Variants in CTIF observed in about 807,000 individuals in gnomAD.
The protein encoded by CTIF is CBP80/20-dependent translation initiation factor.
Under a neutral mutation model 66.0 loss-of-function variants are expected in CTIF, and 21 were observed. The ratio of observed to expected loss-of-function variants is 0.32; its 90% CI spans 0.23 to 0.46. CTIF has a LOEUF of 0.46. Ranked by LOEUF, CTIF falls within the 20% of genes least tolerant of loss-of-function variation. The pLI is 1.00. For synonymous variants in CTIF, 345 were observed against 326.4 expected, an observed-to-expected ratio of 1.06 and a Z score of -0.62; for missense variants, 739 against 812.7, an observed-to-expected ratio of 0.91 and a Z score of 1.10.
chr18:48,853,769 G>T (rs1433522977), intron 10 of CTIF, among the ~76,000 whole-genome samples: 1 of 152,236 alleles, frequency 6.6e-6, no homozygotes, highest in Non-Finnish European at 1.5e-5. Flanking sequence ...GAATGCTGTA[G>T]CTCCTGCTGC....
chr18:48,550,476 C>T (rs2088856302), intron 1 of CTIF, among the ~76,000 whole-genome samples: 1 of 152,178 alleles, frequency 6.6e-6, no homozygotes, highest in Admixed American at 6.5e-5. Flanking sequence ...TGGTGGATGC[C>T]ACCTTCCCCT....
At chr18:48,574,020 C>T (rs761035013) in intron 1 of CTIF, among the ~76,000 whole-genome samples, 1 of 152,196 alleles carries the variant, frequency 6.6e-6, no homozygotes, top group South Asian at 2.1e-4. Flanking sequence ...CTGGTGTCAC[C>T]GGGCACCCTC....
chr18:48,775,818 G>C (rs1198044801), intron 9 of CTIF, among the ~76,000 whole-genome samples: 1 of 152,214 alleles, frequency 6.6e-6, no homozygotes, highest in Non-Finnish European at 1.5e-5. Flanking sequence ...TGAGGGACTG[G>C]GGGTTGCAGA....
intron 2 of CTIF, among the ~76,000 whole-genome samples, chr18:48,626,660 T>TTTG (rs1203765430): frequency 3.4e-5 from 5 of 146,570 alleles, no homozygotes; most frequent in East Asian, 1.9e-4. Flanking sequence ...TTTTTTGTTT[T>TTTG]TTTTTTTTTT....
intron 1 of CTIF, among the ~76,000 whole-genome samples, chr18:48,614,569 T>G (rs1861662783): frequency 6.6e-6 from 1 of 152,214 alleles, no homozygotes; most frequent in South Asian, 2.1e-4. Context: ...CATGTTACAA[T>G]GTAGATAAAC....
chr18:48,728,938 T>C (rs2092411891), intron 7 of CTIF, among the ~76,000 whole-genome samples: 1 of 152,128 alleles, frequency 6.6e-6, no homozygotes, highest in Non-Finnish European at 1.5e-5. Context: ...CTGTTTTGAG[T>C]TCCTTCCTGT....
intron 1 of CTIF, among the ~76,000 whole-genome samples, chr18:48,549,952 T>C (rs890047522): frequency 7.9e-5 from 12 of 151,938 alleles, no homozygotes; most frequent in African/African-American, 2.9e-4. Context: ...TACTTTTTTT[T>C]ATATCTCAAT....
At chr18:48,746,610 G>T (rs1445058376) in intron 7 of CTIF, among the ~76,000 whole-genome samples, 1 of 151,908 alleles carries the variant, frequency 6.6e-6, no homozygotes, top group Non-Finnish European at 1.5e-5. Flanking sequence ...AAGGTTTCAG[G>T]TCAGAGCGTG....
At position 48,561,880 on chromosome 18, in the gene CTIF, A is replaced by G. The variant is rs115983397; in HGVS notation, c.-29+22568A>G. On this transcript the variant is annotated intron_variant, in intron 1 of 11. Coordinates refer to ENST00000256413, the MANE Select transcript of CTIF (RefSeq NM_014772.3). Reference sequence around the variant, plus strand: ...GGTCTAGGCTGGGGGTTGGCAAACTACAACTTGCAGACTAACTCCAGCCCA... The same window carrying G: ...GGTCTAGGCTGGGGGTTGGCAAACTGCAACTTGCAGACTAACTCCAGCCCA... Among the ~76,000 whole-genome samples the G allele has an allele frequency of 3.7e-3, 560 of 152,338 alleles. 5 individuals carry two copies. The highest frequency in any genetic ancestry group is 0.013 in the African/African-American group (520 of 41,574).
chr18:48,648,977 A>G (rs1996010), intron 3 of CTIF, among the ~76,000 whole-genome samples: 89,976 of 152,030 alleles, frequency 0.59, 29,162 homozygotes, highest in East Asian at 0.85. Context: ...AAAATTGCTC[A>G]TGGACCCATT....
chr18:48,570,758 G>A (rs905306629), intron 1 of CTIF, among the ~76,000 whole-genome samples: 4 of 152,088 alleles, frequency 2.6e-5, no homozygotes, highest in African/African-American at 9.7e-5. Context: ...AGGTGAGAGA[G>A]TGAGTGCAGG....
chr18:48,833,555 A>T (rs2146472405), intron 10 of CTIF, among the ~76,000 whole-genome samples: 1 of 151,242 alleles, frequency 6.6e-6, no homozygotes, highest in East Asian at 1.9e-4. Context: ...AGATCACCTC[A>T]CCCCTTTCCT....
intron 10 of CTIF, among the ~76,000 whole-genome samples, chr18:48,848,241 C>T (rs962886618): frequency 6.6e-6 from 1 of 152,186 alleles, no homozygotes. Context: ...ATTCTTTCCA[C>T]ACCTTCAGCT....
intron 6 of CTIF, among the ~76,000 whole-genome samples, chr18:48,692,337 C>CAA (rs11320556): frequency 7.2e-5 from 10 of 139,718 alleles, no homozygotes; most frequent in Admixed American, 2.8e-4. Flanking sequence ...AAACAAAAAA[C>CAA]AAAAAAAAAA....
chr18:48,774,891 A>G (rs956268053), intron 9 of CTIF, among the ~76,000 whole-genome samples: 1 of 152,162 alleles, frequency 6.6e-6, no homozygotes, highest in Non-Finnish European at 1.5e-5. Context: ...GCAGCTGCGT[A>G]TTGGAGCGCC....
chr18:48,835,831 C>G (rs1314355861), intron 10 of CTIF, among the ~76,000 whole-genome samples: 1 of 152,090 alleles, frequency 6.6e-6, no homozygotes, highest in African/African-American at 2.4e-5. Flanking sequence ...ACCAAGCCCC[C>G]CACCTGCCCT....
chr18:48,550,904 G>T (rs181587671), intron 1 of CTIF, among the ~76,000 whole-genome samples: 1 of 152,078 alleles, frequency 6.6e-6, no homozygotes, highest in Non-Finnish European at 1.5e-5. Flanking sequence ...AACCAGTTCC[G>T]TGTGGCACTG....
chr18:48,677,997 A>G lies in CTIF; in HGVS notation c.507+7253A>G, dbSNP rs536652048. Among the ~76,000 whole-genome samples, 47 of 152,166 alleles carry G rather than the reference A, an allele frequency of 3.1e-4. 1 individual carries two copies. Among genetic ancestry groups the G allele is most frequent in the Non-Finnish European group, 4.9e-4 (33 of 68,030 alleles). ...ACAGATTGGAGAACTGAGCTCAAAT[A>G]CCTTGCCTCAAATCACACAGCTGGG... On this transcript the variant is annotated intron_variant, in intron 6 of 11. Transcript: ENST00000256413.
intron 1 of CTIF, among the ~76,000 whole-genome samples, chr18:48,559,204 T>C (rs2089092556): frequency 7.4e-6 from 1 of 135,720 alleles, no homozygotes; most frequent in Non-Finnish European, 1.6e-5. Context: ...ATACAAATTT[T>C]AAAAAAGTTT....
Sources: allele counts gnomAD v4.1 joint callset (sites outside exome capture counted in the v4.1 genomes callset), GRCh38; gene constraint gnomAD v4.1.1; transcripts MANE v1.5; gene names NCBI Gene and HGNC (gene_info 2026-07-23, HGNC 2026-07-21).